The following PATJ variants were observed in gnomAD, a reference collection of about 807,000 sequenced individuals.
PATJ encodes PATJ crumbs cell polarity complex component, also known as inaD-like protein.
Under a neutral mutation model 224.9 loss-of-function variants are expected in PATJ, and 190 were observed. The observed-to-expected ratio is 0.84, with a 90% CI of 0.75 to 0.95. The LOEUF is 0.95. PATJ is among the 40% of genes least tolerant of loss of function. PATJ has a pLI of 0.00. For synonymous variants in PATJ, 769 were observed against 820.3 expected (o/e 0.94, Z 1.07); for missense variants, 2,121 against 2,270.3 (o/e 0.93, Z 1.34).
intron 29 of PATJ, among the ~76,000 whole-genome samples, chr1:62,020,387 C>T (rs74079615): frequency 0.01 from 1,590 of 152,166 alleles, 31 homozygotes; most frequent in African/African-American, 0.036. Context: ...TTTTATTATC[C>T]ACATGGGCCA....
chr1:61,991,955 G>A (rs1645088078), intron 28 of PATJ, among the ~76,000 whole-genome samples: 1 of 152,048 alleles, frequency 6.6e-6, no homozygotes, highest in South Asian at 2.1e-4. Context: ...AATCCTTTAT[G>A]GTAACAACTA....
intron 17 of PATJ, among the ~76,000 whole-genome samples, chr1:61,842,200 G>T (rs2148839053): frequency 6.6e-6 from 1 of 152,294 alleles, no homozygotes; most frequent in South Asian, 2.1e-4. Flanking sequence ...AGAGATCAAA[G>T]AGGCTGTGTG....
At chr1:62,066,501 A>G (rs1462964434) in intron 31 of PATJ, among the ~76,000 whole-genome samples, 4 of 151,940 alleles carry the variant, frequency 2.6e-5, no homozygotes, top group Non-Finnish European at 5.9e-5. Flanking sequence ...TTCCTGCCAC[A>G]GCTTCCCAAA....
At chr1:62,122,753 G>A (rs1378997388) in intron 38 of PATJ, among the ~76,000 whole-genome samples, 1 of 151,966 alleles carries the variant, frequency 6.6e-6, no homozygotes, top group Non-Finnish European at 1.5e-5. Context: ...GAATCTGGGA[G>A]GCAGAGGTTG....
In PATJ at chr1:61,808,532, T is replaced by C. The variant is rs1485589802; in HGVS notation, c.1683+2T>C. 1 of 1,585,956 alleles carries C rather than the reference T, an allele frequency of 6.3e-7. No homozygotes were observed. The highest frequency in any genetic ancestry group is 8.7e-7 in the Non-Finnish European group (1 of 1,155,418). On this transcript the variant is annotated splice_donor_variant, in intron 14 of 43. Coordinates refer to ENST00000642238, the MANE Select transcript of PATJ (RefSeq NM_001350145.3). LOFTEE classifies it high-confidence loss of function. ...GCTGAGTTACAGAAATATTCAAAGG[T>C]AAGCATTTTTTATAACAAAGTTAAC...
intron 27 of PATJ, among the ~76,000 whole-genome samples, chr1:61,946,820 A>C (rs1255744061): frequency 6.6e-6 from 1 of 152,232 alleles, no homozygotes; most frequent in Non-Finnish European, 1.5e-5. Context: ...AATCCTCAGT[A>C]AAATACCAGC....
chr1:62,046,648 A>G (rs539006435), intron 30 of PATJ, among the ~76,000 whole-genome samples: 8 of 152,356 alleles, frequency 5.3e-5, no homozygotes, highest in East Asian at 1.9e-4. Context: ...AGTTCTGTAC[A>G]TGCATAATTA....
rs1244379080 is a variant in PATJ, at chr1:61,813,364, T to G, written c.1683+4834T>G. 9.8e-5 allele frequency among the ~76,000 whole-genome samples: 5 copies of G among 50,898 alleles called. No individual in the cohort carries two copies. The East Asian group carries it at 1.1e-3, about 11-fold the overall frequency. 33.4% of individuals were successfully genotyped at this position (50,898 alleles called of 152,430 possible). A position where few individuals can be genotyped will look rare whatever the true frequency, so the allele number is the denominator to read the frequency against. ...ATATATATATATATATATATATATA[T>G]ATATATATATATATACACACACACA... On this transcript the variant is annotated intron_variant, in intron 14 of 43. Coordinates refer to ENST00000642238, the MANE Select transcript of PATJ (RefSeq NM_001350145.3).
chr1:61,934,988 C>T (rs1676628975), intron 27 of PATJ, among the ~76,000 whole-genome samples: 1 of 152,162 alleles, frequency 6.6e-6, no homozygotes, highest in African/African-American at 2.4e-5. Flanking sequence ...CTTCAGTCTC[C>T]TGAGAGAGAA....
chr1:62,023,275 A>G (rs1647192127), intron 29 of PATJ, among the ~76,000 whole-genome samples: 1 of 148,606 alleles, frequency 6.7e-6, no homozygotes, highest in Non-Finnish European at 1.5e-5. Flanking sequence ...GGGCAAAAAG[A>G]GTGAAAGTCC....
At chr1:62,110,254 A>G (rs1663635051) in intron 34 of PATJ, among the ~76,000 whole-genome samples, 1 of 152,168 alleles carries the variant, frequency 6.6e-6, no homozygotes. Context: ...TCCTTTCTAA[A>G]CAGCTTTCTA....
At chr1:61,767,055 T>C (rs993434572) in intron 4 of PATJ, among the ~76,000 whole-genome samples, 1 of 152,132 alleles carries the variant, frequency 6.6e-6, no homozygotes, top group African/African-American at 2.4e-5. Context: ...ATTGCGCCAC[T>C]GTACTCCAGC....
chr1:61,851,881 A>AG (rs1478068265), intron 17 of PATJ, among the ~76,000 whole-genome samples: 1 of 152,034 alleles, frequency 6.6e-6, no homozygotes, highest in Non-Finnish European at 1.5e-5. Context: ...TGGAGGGGTG[A>AG]GGGGGAGAAG....
rs1025600631 is a variant in PATJ at position 62,023,539 on chromosome 1, A to G, written c.3959+5592A>G. ...ATAGTCTAGTACCTTATCCAGTGAT[A>G]TAAGTACTGTGATGCTATAGGGACA... On this transcript the variant is annotated intron_variant, in intron 29 of 43. Coordinates refer to ENST00000642238, the MANE Select transcript of PATJ (RefSeq NM_001350145.3). 2.1e-4 allele frequency among the ~76,000 whole-genome samples: 32 copies of G among 152,350 alleles called. 1 individual carries two copies. Among genetic ancestry groups the G allele is most frequent in the East Asian group, 7.7e-4 (4 of 5,188 alleles).
chr1:62,090,181 T>C (rs1231266063), intron 33 of PATJ, among the ~76,000 whole-genome samples: 1 of 152,154 alleles, frequency 6.6e-6, no homozygotes, highest in Non-Finnish European at 1.5e-5. Context: ...ATGATGAGGG[T>C]GAACCTCTTG....
chr1:62,032,036 C>T (rs1180693759), intron 29 of PATJ, among the ~76,000 whole-genome samples: 2 of 152,038 alleles, frequency 1.3e-5, no homozygotes, highest in African/African-American at 2.4e-5. Flanking sequence ...AAAACAATAC[C>T]TGTTTATTGG....
chr1:61,949,581 A>G (rs939017402), intron 27 of PATJ, among the ~76,000 whole-genome samples: 2 of 152,254 alleles, frequency 1.3e-5, no homozygotes, highest in African/African-American at 4.8e-5. Flanking sequence ...GATCTACATT[A>G]AAGAAGAGAG....
At chr1:61,799,009 C>G (rs185594806) in intron 11 of PATJ, among the ~76,000 whole-genome samples, 1 of 152,174 alleles carries the variant, frequency 6.6e-6, no homozygotes, top group East Asian at 1.9e-4. Context: ...CACCTGGAAG[C>G]CTTTGCTTTC....
intron 21 of PATJ, among the ~76,000 whole-genome samples, chr1:61,875,682 A>G (rs1667246480): frequency 6.6e-6 from 1 of 152,142 alleles, no homozygotes; most frequent in African/African-American, 2.4e-5. Flanking sequence ...ACTAATATAT[A>G]TTAAAATCTC....
Sources: allele counts gnomAD v4.1 joint callset (sites outside exome capture counted in the v4.1 genomes callset), GRCh38; gene constraint gnomAD v4.1.1; transcripts MANE v1.5; gene names NCBI Gene and HGNC (gene_info 2026-07-23, HGNC 2026-07-21).